The following MACO1 variants were observed in gnomAD, a reference collection of about 807,000 sequenced individuals.
MACO1 encodes macoilin 1.
Under a neutral mutation model 78.7 loss-of-function variants are expected in MACO1, and 14 were observed. The observed-to-expected ratio is 0.18, with a 90% CI of 0.12 to 0.28. The LOEUF (loss-of-function observed/expected upper bound fraction) is 0.28, where lower values mean the gene tolerates loss of function less well. Among genes scored for constraint, MACO1 ranks in the 10% least tolerant of loss-of-function variants. The probability of loss-of-function intolerance (pLI) is 1.00; values close to 1 mark genes in which losing one functional copy is unlikely to be tolerated. For synonymous variants in MACO1, 288 were observed against 291.6 expected, an observed-to-expected ratio of 0.99 and a Z score of 0.12; for missense variants, 501 against 799.0, an observed-to-expected ratio of 0.63 and a Z score of 4.50.
intron 6 of MACO1, among the ~76,000 whole-genome samples, chr1:25,464,713 A>G (rs1212278292): frequency 7.1e-6 from 1 of 140,040 alleles, no homozygotes; most frequent in Admixed American, 7.9e-5. Flanking sequence ...GCTGGAGTGC[A>G]AGATGCTATC....
chr1:25,464,063 T>C (rs1483013352), intron 6 of MACO1, among the ~76,000 whole-genome samples: 4 of 152,154 alleles, frequency 2.6e-5, no homozygotes, highest in Admixed American at 2.0e-4. Context: ...AACAGTCTTA[T>C]GGGTTTGAAT....
At chr1:25,480,929 A>AAAAATATAT (rs1553166539) in intron 6 of MACO1, among the ~76,000 whole-genome samples, 5 of 47,908 alleles carry the variant, frequency 1.0e-4, no homozygotes, top group African/African-American at 9.7e-5. Context: ...AAAAAAAAAA[A>AAAAATATAT]ATATATATAT....
intron 3 of MACO1, among the ~76,000 whole-genome samples, chr1:25,451,939 A>C (rs2043070287): frequency 6.6e-6 from 1 of 151,986 alleles, no homozygotes; most frequent in South Asian, 2.1e-4. Context: ...CTCCAAAAAA[A>C]AAAGAAAAAA....
chr1:25,456,462 T>C (rs2124584572), intron 4 of MACO1, among the ~76,000 whole-genome samples, 191 bp from the exon 5 acceptor site: 1 of 152,358 alleles, frequency 6.6e-6, no homozygotes, highest in South Asian at 2.1e-4. Context: ...GGTTTTGTTC[T>C]GTGTGCCAGT....
chr1:25,460,936 A>G (rs2043165476), intron 6 of MACO1, among the ~76,000 whole-genome samples: 1 of 152,092 alleles, frequency 6.6e-6, no homozygotes, highest in Non-Finnish European at 1.5e-5. Flanking sequence ...CTCCCATGGT[A>G]TTATTTTCAA....
At chr1:25,488,427 C>A (rs2043454243) in intron 8 of MACO1, among the ~76,000 whole-genome samples, 1 of 152,140 alleles carries the variant, frequency 6.6e-6, no homozygotes, top group African/African-American at 2.4e-5. Flanking sequence ...TAAAACCTGA[C>A]AGACCCTGGA....
At chr1:25,451,773 GTGTGTGCC>G (rs1368670062) in intron 3 of MACO1, among the ~76,000 whole-genome samples, 1 of 151,916 alleles carries the variant, frequency 6.6e-6, no homozygotes, top group Non-Finnish European at 1.5e-5. Context: ...AGGCATGGTG[GTGTGTGCC>G]TGTAATCCCA....
intron 9 of MACO1, among the ~76,000 whole-genome samples, chr1:25,489,510 G>T (rs2043465370): frequency 6.6e-6 from 1 of 152,184 alleles, no homozygotes. Flanking sequence ...AACCAGAAAT[G>T]TTGACAATCC....
rs1037738863 is a variant in MACO1, at chr1:25,491,792, C to A, written c.1792+208C>A. On this transcript the variant is annotated intron_variant, in intron 10 of 10. Transcript: ENST00000374343. ...AGATGAGAACATGTCAAGTGCAGGG[C>A]ATACAGAGAATAGTATGATTTCTAC... Among the ~76,000 whole-genome samples, 9 of 152,208 alleles carry A rather than the reference C, an allele frequency of 5.9e-5. No individual in the cohort carries two copies. The East Asian group carries it at 1.7e-3, about 29-fold the overall frequency.
intron 6 of MACO1, among the ~76,000 whole-genome samples, chr1:25,471,411 A>G (rs1173117599): frequency 6.6e-6 from 1 of 152,096 alleles, no homozygotes; most frequent in East Asian, 1.9e-4. Flanking sequence ...AAATTACTTG[A>G]AATATATACC....
intron 1 of MACO1, among the ~76,000 whole-genome samples, chr1:25,437,349 G>A (rs1199980983): frequency 7.1e-6 from 1 of 141,730 alleles, no homozygotes; most frequent in Non-Finnish European, 1.5e-5. Flanking sequence ...TAAAGATGGA[G>A]TCTCGCCGTG....
intron 5 of MACO1, among the ~76,000 whole-genome samples, chr1:25,457,331 C>T (rs1025592020): frequency 1.3e-5 from 2 of 152,026 alleles, no homozygotes; most frequent in East Asian, 3.9e-4. Flanking sequence ...AGGCTAGTCT[C>T]AAACTCCTGA....
chr1:25,484,876 G>A lies in MACO1; in HGVS notation c.1313+602G>A, dbSNP rs2043415433. ...TTTCTGGGCTTTCCCTGTTGAAAGAGGAGTTCAACATTTTTAAGGAATGTA... is the reference window on the plus strand; with the variant it reads ...TTTCTGGGCTTTCCCTGTTGAAAGAAGAGTTCAACATTTTTAAGGAATGTA... On this transcript the variant is annotated intron_variant, in intron 7 of 10. Coordinates refer to ENST00000374343, the MANE Select transcript of MACO1 (RefSeq NM_018202.6). Among the ~76,000 whole-genome samples, 3 of 152,226 alleles carry A rather than the reference G, an allele frequency of 2.0e-5. No individual in the cohort carries two copies. In the South Asian group the frequency reaches 6.2e-4, roughly 32 times the overall value.
intron 6 of MACO1, among the ~76,000 whole-genome samples, chr1:25,479,517 G>A (rs1275325091): frequency 2.6e-5 from 4 of 152,000 alleles, no homozygotes; most frequent in Non-Finnish European, 5.9e-5. Context: ...GACTTCAAGC[G>A]ATTCTCCTGC....
intron 6 of MACO1, among the ~76,000 whole-genome samples, chr1:25,479,728 C>G (rs1446286896): frequency 6.6e-6 from 1 of 152,074 alleles, no homozygotes; most frequent in East Asian, 1.9e-4. Context: ...TCTTTCAAAA[C>G]TCATGACATA....
intron 6 of MACO1, among the ~76,000 whole-genome samples, chr1:25,478,614 A>T (rs1330692904): frequency 6.6e-6 from 1 of 152,232 alleles, no homozygotes; most frequent in Non-Finnish European, 1.5e-5. Context: ...TCTTGCTGTG[A>T]GTTAGATAAT....
intron 1 of MACO1, among the ~76,000 whole-genome samples, chr1:25,436,565 A>T (rs1257870904): frequency 6.6e-6 from 1 of 152,118 alleles, no homozygotes; most frequent in Non-Finnish European, 1.5e-5. Context: ...CAAGCTGCAT[A>T]AGTAGGATGG....
At chr1:25,436,667 A>G (rs1304893540) in intron 1 of MACO1, among the ~76,000 whole-genome samples, 2 of 152,174 alleles carry the variant, frequency 1.3e-5, no homozygotes, top group African/African-American at 4.8e-5. Context: ...AAAGCCTCTC[A>G]CCTTGCATCC....
intron 6 of MACO1, among the ~76,000 whole-genome samples, chr1:25,468,076 C>T (rs966643798): frequency 2.0e-5 from 3 of 151,926 alleles, no homozygotes; most frequent in African/African-American, 7.3e-5. Flanking sequence ...TGGCTAAAAT[C>T]TGTAGAAAAA....
Sources: allele counts gnomAD v4.1 joint callset (sites outside exome capture counted in the v4.1 genomes callset), GRCh38; gene constraint gnomAD v4.1.1; transcripts MANE v1.5; gene names NCBI Gene and HGNC (gene_info 2026-07-23, HGNC 2026-07-21).